ADGRL2: variants seen among roughly 807,000 people sequenced by gnomAD.
ADGRL2 encodes calcium-independent alpha-latrotoxin receptor 2.
Under a neutral mutation model 157.4 loss-of-function variants are expected in ADGRL2, and 44 were observed. The observed-to-expected ratio is 0.28, with a 90% CI of 0.22 to 0.36. The LOEUF (loss-of-function observed/expected upper bound fraction) is 0.36. ADGRL2 is among the 10% of genes least tolerant of loss of function. The probability of loss-of-function intolerance (pLI) is 1.00; values close to 1 mark genes in which losing one functional copy is unlikely to be tolerated. For synonymous variants in ADGRL2, 585 were observed against 624.7 expected (o/e 0.94, Z 0.95); for missense variants, 1,510 against 1,768.9 (o/e 0.85, Z 2.63).
intron 1 of ADGRL2, among the ~76,000 whole-genome samples, chr1:81,374,578 G>GAAAAAAGGAAAAAAAA (rs150082637): frequency 3.1e-5 from 4 of 130,256 alleles, no homozygotes; most frequent in African/African-American, 1.2e-4. Context: ...TCTCAAAAAA[G>GAAAAAAGGAAAAAAAA]AAAAAAAAAA....
chr1:81,756,964 T>G (rs1367927600), intron 1 of ADGRL2, among the ~76,000 whole-genome samples: 1 of 152,190 alleles, frequency 6.6e-6, no homozygotes, highest in Admixed American at 6.6e-5. Context: ...GAAACGTTCA[T>G]GAAGTCATAG....
At chr1:81,909,275 AT>A (rs2094655982) in intron 3 of ADGRL2, among the ~76,000 whole-genome samples, 2 of 151,838 alleles carry the variant, frequency 1.3e-5, no homozygotes, top group Admixed American at 1.3e-4. Context: ...ATATTTTGGG[AT>A]AACAGTCCTT....
At chr1:81,373,806 C>A (rs762677164) in intron 1 of ADGRL2, among the ~76,000 whole-genome samples, 2 of 151,980 alleles carry the variant, frequency 1.3e-5, no homozygotes, top group Non-Finnish European at 2.9e-5. Context: ...GAGGGTGGGC[C>A]ACCAAAATTG....
intron 1 of ADGRL2, among the ~76,000 whole-genome samples, chr1:81,820,926 G>A (rs1010000549): frequency 3.9e-5 from 6 of 152,078 alleles, no homozygotes; most frequent in African/African-American, 1.4e-4. Flanking sequence ...CCCAAATCAT[G>A]CCAAGCATTA....
intron 2 of ADGRL2, among the ~76,000 whole-genome samples, chr1:81,526,089 T>A (rs759690730): frequency 7.5e-6 from 1 of 133,566 alleles, no homozygotes; most frequent in Non-Finnish European, 1.6e-5. Flanking sequence ...ATTTTCTCTG[T>A]TTCCTTTTAT....
chr1:81,473,303 G>T (rs773879872), intron 2 of ADGRL2, among the ~76,000 whole-genome samples: 2 of 152,196 alleles, frequency 1.3e-5, no homozygotes, highest in African/African-American at 2.4e-5. Context: ...ATTTATCCCT[G>T]CACTGTTCTG....
At chr1:81,982,135 T>C (rs1302345646) in intron 19 of ADGRL2, among the ~76,000 whole-genome samples, 159 bp downstream of exon 19, 2 of 151,974 alleles carry the variant, frequency 1.3e-5, no homozygotes, top group African/African-American at 2.4e-5. Context: ...AAAATTTAGG[T>C]TTCACCTATA....
intron 1 of ADGRL2, among the ~76,000 whole-genome samples, chr1:81,709,222 C>G (rs2083843026): frequency 6.6e-6 from 1 of 152,114 alleles, no homozygotes; most frequent in African/African-American, 2.4e-5. Flanking sequence ...CATTAAAGTA[C>G]TGCAAAAGCC....
chr1:81,391,965 A>T (rs923230292), intron 1 of ADGRL2, among the ~76,000 whole-genome samples: 9 of 152,162 alleles, frequency 5.9e-5, no homozygotes, highest in African/African-American at 2.2e-4. Context: ...TTTAATTTCC[A>T]TAACAAGCAT....
intron 1 of ADGRL2, among the ~76,000 whole-genome samples, chr1:81,315,612 A>C (rs892574714): frequency 1.3e-5 from 2 of 152,128 alleles, no homozygotes; most frequent in Admixed American, 1.3e-4. Context: ...CACTCTTTTT[A>C]AAAGATAGAG....
chr1:81,590,363 C>G (rs1204468764), intron 3 of ADGRL2, among the ~76,000 whole-genome samples: 1 of 152,102 alleles, frequency 6.6e-6, no homozygotes, highest in African/African-American at 2.4e-5. Flanking sequence ...CACATAGTAA[C>G]CATTTCCATG....
chr1:81,585,737 C>T (rs1465292915), intron 3 of ADGRL2, among the ~76,000 whole-genome samples: 1 of 152,038 alleles, frequency 6.6e-6, no homozygotes, highest in African/African-American at 2.4e-5. Context: ...GATGAAAAGT[C>T]CAACAGTGGT....
At chr1:81,491,524 TAGAA>T (rs1459978965) in intron 2 of ADGRL2, among the ~76,000 whole-genome samples, 3 of 152,190 alleles carry the variant, frequency 2.0e-5, no homozygotes, top group East Asian at 3.8e-4. Flanking sequence ...AAGCAAATGT[TAGAA>T]AGAGTTACTT....
At chr1:81,488,960 G>C (rs1468871088) in intron 2 of ADGRL2, among the ~76,000 whole-genome samples, 3 of 152,144 alleles carry the variant, frequency 2.0e-5, no homozygotes, top group African/African-American at 7.2e-5. Flanking sequence ...ATCTGGCTGG[G>C]TGCAGTGGCT....
At chr1:81,805,404 A>G (rs2088962448) in intron 1 of ADGRL2, among the ~76,000 whole-genome samples, 1 of 152,062 alleles carries the variant, frequency 6.6e-6, no homozygotes, top group African/African-American at 2.4e-5. Context: ...ATGTAAGCTC[A>G]TATTTTTTAT....
chr1:81,424,416 G>C (rs1239909509), intron 1 of ADGRL2, among the ~76,000 whole-genome samples: 1 of 152,134 alleles, frequency 6.6e-6, no homozygotes, highest in African/African-American at 2.4e-5. Flanking sequence ...TAGTCTTAGA[G>C]CTGATTTAAA....
chr1:81,599,234 G>T (rs983866523), intron 3 of ADGRL2, among the ~76,000 whole-genome samples: 1 of 152,114 alleles, frequency 6.6e-6, no homozygotes, highest in Non-Finnish European at 1.5e-5. Flanking sequence ...TTGGGAAAAG[G>T]ATACCTACAC....
intron 1 of ADGRL2, among the ~76,000 whole-genome samples, chr1:81,370,353 C>T (rs10782754): frequency 0.68 from 103,614 of 151,928 alleles, 36,101 homozygotes; most frequent in East Asian, 0.78. Flanking sequence ...TATTTTTTTC[C>T]TGTTGGCTTT....
chr1:81,922,856 A>T (rs988290040), intron 3 of ADGRL2, among the ~76,000 whole-genome samples: 1 of 152,166 alleles, frequency 6.6e-6, no homozygotes, highest in Admixed American at 6.5e-5. Flanking sequence ...TCTCTATAAT[A>T]AATAAAATAT....
Sources: gnomAD v4.1 joint callset for allele counts (sites outside exome capture counted in the v4.1 genomes callset) on GRCh38, gnomAD v4.1.1 for gene constraint, MANE v1.5 for transcripts, NCBI Gene and HGNC (gene_info 2026-07-23, HGNC 2026-07-21) for gene names.